Variants in CNTNAP2 observed in about 807,000 individuals in gnomAD.
CNTNAP2 encodes contactin-associated protein-like 2.
CNTNAP2 carries 98 observed loss-of-function variants against 155.2 expected under a neutral mutation model. The observed-to-expected ratio is 0.63, with a 90% CI of 0.54 to 0.75. The LOEUF is 0.75. Ranked by LOEUF, CNTNAP2 falls within the 30% of genes least tolerant of loss-of-function variation. The pLI is 0.00. For synonymous variants in CNTNAP2, 651 were observed against 631.2 expected (o/e 1.03, Z -0.47); for missense variants, 1,727 against 1,688.1 (o/e 1.02, Z -0.40).
intron 1 of CNTNAP2, among the ~76,000 whole-genome samples, chr7:146,318,929 T>C (rs1434679479): frequency 1.3e-5 from 2 of 152,182 alleles, no homozygotes; most frequent in Admixed American, 6.5e-5. Context: ...ATATAACCGA[T>C]TGACAGCCAA....
intron 4 of CNTNAP2, among the ~76,000 whole-genome samples, chr7:147,062,343 G>C (rs1349322911): frequency 1.3e-5 from 2 of 151,712 alleles, no homozygotes; most frequent in East Asian, 3.9e-4. Context: ...TTAATTCAAA[G>C]AATTATTCAC....
intron 16 of CNTNAP2, among the ~76,000 whole-genome samples, chr7:148,146,993 T>A (rs1275579164): frequency 6.6e-6 from 1 of 152,202 alleles, no homozygotes; most frequent in Non-Finnish European, 1.5e-5. Context: ...CTTGACCAAC[T>A]GAGTCCAAAT....
chr7:147,387,918 A>G (rs1443580903), intron 9 of CNTNAP2, among the ~76,000 whole-genome samples: 2 of 152,118 alleles, frequency 1.3e-5, no homozygotes, highest in Non-Finnish European at 2.9e-5. Flanking sequence ...GCCTTGCCTG[A>G]ATTAATTATT....
chr7:146,507,216 G>A (rs922908600), intron 1 of CNTNAP2, among the ~76,000 whole-genome samples: 1 of 152,198 alleles, frequency 6.6e-6, no homozygotes, highest in African/African-American at 2.4e-5. Flanking sequence ...GGCATATACA[G>A]TTGTTAATTC....
chr7:147,992,087 C>T (rs371527022), intron 15 of CNTNAP2, among the ~76,000 whole-genome samples: 3 of 72,768 alleles, frequency 4.1e-5, no homozygotes, highest in African/African-American at 5.7e-5. Context: ...ATTACTACCT[C>T]TTTTTTTTTT....
chr7:146,919,964 A>G (rs1440370176), intron 3 of CNTNAP2, among the ~76,000 whole-genome samples: 1 of 152,178 alleles, frequency 6.6e-6, no homozygotes, highest in Admixed American at 6.5e-5. Flanking sequence ...CTATCTGCCA[A>G]TTTTCCTCCA....
At chr7:148,346,590 G>A (rs1798329647) in intron 21 of CNTNAP2, among the ~76,000 whole-genome samples, 1 of 151,872 alleles carries the variant, frequency 6.6e-6, no homozygotes, top group South Asian at 2.1e-4. Flanking sequence ...CGGCCAACAT[G>A]GTGAAACCCC....
intron 10 of CNTNAP2, among the ~76,000 whole-genome samples, chr7:147,439,169 T>C (rs576551624): frequency 1.3e-5 from 2 of 152,156 alleles, no homozygotes; most frequent in African/African-American, 2.4e-5. Flanking sequence ...TTCTTTAAGA[T>C]GCATTGTTAG....
intron 1 of CNTNAP2, among the ~76,000 whole-genome samples, chr7:146,281,808 T>A (rs1800256358): frequency 1.3e-5 from 2 of 150,864 alleles, no homozygotes; most frequent in East Asian, 3.9e-4. Flanking sequence ...AAAAAAAAAA[T>A]TACTTAATTT....
At chr7:147,970,728 T>G (rs576462016) in intron 14 of CNTNAP2, among the ~76,000 whole-genome samples, 22 of 152,314 alleles carry the variant, frequency 1.4e-4, no homozygotes, top group African/African-American at 4.6e-4. Context: ...TGATGAATGT[T>G]GACAGTCAAA....
chr7:146,462,992 C>A lies in CNTNAP2; in HGVS notation c.98-311279C>A, dbSNP rs548765998. Among the ~76,000 whole-genome samples, 12 of 152,210 alleles carry A rather than the reference C, an allele frequency of 7.9e-5. No individual in the cohort carries two copies. The East Asian group carries it at 2.3e-3, about 29-fold the overall frequency. On this transcript the variant is annotated intron_variant, in intron 1 of 23. Transcript: ENST00000361727. ...GAGGAAACAATGCATCAGACATTAACCTTCCCCCTTGCAGGTGAGGTAGGC... is the reference window on the plus strand; with the variant it reads ...GAGGAAACAATGCATCAGACATTAAACTTCCCCCTTGCAGGTGAGGTAGGC...
At chr7:146,492,828 C>G (rs1797160393) in intron 1 of CNTNAP2, among the ~76,000 whole-genome samples, 2 of 152,068 alleles carry the variant, frequency 1.3e-5, no homozygotes, top group Admixed American at 1.3e-4. Flanking sequence ...CCTTTTGTGG[C>G]AAAAGCAGCT....
chr7:147,479,280 G>A (rs4726873), intron 10 of CNTNAP2, among the ~76,000 whole-genome samples: 116,799 of 151,500 alleles, frequency 0.77, 45,282 homozygotes, highest in African/African-American at 0.85. Flanking sequence ...TTCTGTACCA[G>A]TTTTTCTAAT....
At chr7:146,613,830 T>A (rs1563156873) in intron 1 of CNTNAP2, among the ~76,000 whole-genome samples, 2 of 42,406 alleles carry the variant, frequency 4.7e-5, no homozygotes, top group African/African-American at 1.3e-4. Context: ...AAGTGTTCTT[T>A]CAGCTTTTCT....
At chr7:146,831,375 G>C (rs145395288) in intron 2 of CNTNAP2, among the ~76,000 whole-genome samples, 358 of 152,014 alleles carry the variant, frequency 2.4e-3, no homozygotes, top group Non-Finnish European at 4.3e-3. Flanking sequence ...GAATTCGAAT[G>C]CTTCAAAAAG....
chr7:147,804,117 A>G (rs1405080558), intron 13 of CNTNAP2, among the ~76,000 whole-genome samples: 1 of 152,204 alleles, frequency 6.6e-6, no homozygotes, highest in Non-Finnish European at 1.5e-5. Context: ...CTAGTTCCAG[A>G]TGGTGCATCT....
chr7:147,691,272 T>A (rs1339845907), intron 13 of CNTNAP2, among the ~76,000 whole-genome samples: 1 of 151,848 alleles, frequency 6.6e-6, no homozygotes, highest in Non-Finnish European at 1.5e-5. Flanking sequence ...TTAAGTTTCA[T>A]CTGTATTATT....
intron 1 of CNTNAP2, among the ~76,000 whole-genome samples, chr7:146,389,696 CTTT>C (rs1408040421): frequency 7.1e-6 from 1 of 140,824 alleles, no homozygotes; most frequent in Non-Finnish European, 1.5e-5. Context: ...TTTTTCTTTT[CTTT>C]TTTCTTTTTT....
chr7:148,006,120 T>C (rs539754188), intron 15 of CNTNAP2, among the ~76,000 whole-genome samples: 30 of 152,056 alleles, frequency 2.0e-4, no homozygotes, highest in Non-Finnish European at 3.8e-4. Flanking sequence ...ATATATCCAT[T>C]GTATCTAAGT....
Sources: allele counts gnomAD v4.1 joint callset (sites outside exome capture counted in the v4.1 genomes callset), GRCh38; gene constraint gnomAD v4.1.1; transcripts MANE v1.5; gene names NCBI Gene and HGNC (gene_info 2026-07-23, HGNC 2026-07-21).